Variants in ELF2 observed in about 807,000 individuals in gnomAD.
ELF2 encodes the protein E74 like ETS transcription factor 2.
Under a neutral mutation model 54.8 loss-of-function variants are expected in ELF2, and 11 were observed. The ratio of observed to expected loss-of-function variants is 0.20; its 90% CI spans 0.13 to 0.33. The LOEUF (loss-of-function observed/expected upper bound fraction) is 0.33, where lower values mean the gene tolerates loss of function less well. Ranked by LOEUF, ELF2 falls within the 10% of genes least tolerant of loss-of-function variation. The probability of loss-of-function intolerance (pLI) is 1.00; values close to 1 mark genes in which losing one functional copy is unlikely to be tolerated. For missense variants in ELF2, 513 were observed against 703.0 expected (o/e 0.73, Z 3.06); for synonymous variants, 203 against 245.1 (o/e 0.83, Z 1.61).
At chr4:139,066,435 CTG>C (rs1326151717) in intron 7 of ELF2, 1 of 151,134 alleles carries the variant, frequency 6.6e-6, no homozygotes, top group Non-Finnish European at 1.5e-5. Flanking sequence ...CAGGGGCACT[CTG>C]TTTCTACAAA....
intron 1 of ELF2, among the ~76,000 whole-genome samples, chr4:139,164,578 C>T (rs536079098): frequency 5.9e-5 from 9 of 152,186 alleles, no homozygotes; most frequent in East Asian, 5.8e-4. Flanking sequence ...TAGAGATTGC[C>T]GTGAGCCAAG....
At chr4:139,158,430 T>C (rs776013475) in intron 1 of ELF2, among the ~76,000 whole-genome samples, 2 of 152,120 alleles carry the variant, frequency 1.3e-5, no homozygotes, top group Non-Finnish European at 2.9e-5. Flanking sequence ...TGGTAAAGTG[T>C]TGGGGCAGCG....
intron 4 of ELF2, among the ~76,000 whole-genome samples, chr4:139,091,136 T>G (rs1485296174): frequency 1.3e-5 from 2 of 152,044 alleles, no homozygotes; most frequent in African/African-American, 4.8e-5. Context: ...GTTTTCACCA[T>G]GTTAGCCAGG....
intron 4 of ELF2, among the ~76,000 whole-genome samples, chr4:139,105,510 C>A (rs970326403): frequency 7.9e-5 from 12 of 152,198 alleles, no homozygotes; most frequent in Non-Finnish European, 1.6e-4. Flanking sequence ...TAAGAAACTA[C>A]AGAGTTAACT....
chr4:139,122,239 C>T (rs911143965), intron 4 of ELF2, among the ~76,000 whole-genome samples: 4 of 152,126 alleles, frequency 2.6e-5, no homozygotes, highest in African/African-American at 9.7e-5. Context: ...ATCTCAATTC[C>T]CCCAATTCAC....
intron 4 of ELF2, among the ~76,000 whole-genome samples, chr4:139,079,290 T>C (rs931232564): frequency 2.0e-5 from 3 of 152,104 alleles, no homozygotes; most frequent in African/African-American, 7.2e-5. Flanking sequence ...TTTTTGCAAA[T>C]CTTATTATAC....
intron 4 of ELF2, among the ~76,000 whole-genome samples, chr4:139,083,092 G>T (rs1397871611): frequency 6.6e-6 from 1 of 151,826 alleles, no homozygotes; most frequent in Admixed American, 6.6e-5. Context: ...TTCTAATTTG[G>T]AACACCTCAG....
At chr4:139,150,410 A>G (rs1739747800) in intron 1 of ELF2, among the ~76,000 whole-genome samples, 1 of 151,138 alleles carries the variant, frequency 6.6e-6, no homozygotes, top group Non-Finnish European at 1.5e-5. Flanking sequence ...GCACACCTGT[A>G]GTCCCGGCTG....
intron 1 of ELF2, chr4:139,155,359 A>T (rs951972250): frequency 6.6e-6 from 1 of 152,194 alleles, no homozygotes; most frequent in African/African-American, 2.4e-5. Context: ...GAGCAGGTCA[A>T]AACTCTTATG....
chr4:139,083,080 C>A (rs941362938), intron 4 of ELF2, among the ~76,000 whole-genome samples: 1 of 152,036 alleles, frequency 6.6e-6, no homozygotes, highest in African/African-American at 2.4e-5. Flanking sequence ...CAGAAATCAA[C>A]GTTCTAATTT....
intron 3 of ELF2, among the ~76,000 whole-genome samples, chr4:139,126,473 C>A (rs973843568): frequency 1.3e-5 from 2 of 151,370 alleles, no homozygotes; most frequent in Non-Finnish European, 2.9e-5. Context: ...TTTGAAAGGA[C>A]CCACCAAGTG....
At chr4:139,157,896 T>A (rs969023400) in intron 1 of ELF2, among the ~76,000 whole-genome samples, 6 of 152,234 alleles carry the variant, frequency 3.9e-5, no homozygotes, top group African/African-American at 1.4e-4. Context: ...TCGGGGCCAG[T>A]GGCGCAATGG....
intron 3 of ELF2, among the ~76,000 whole-genome samples, chr4:139,135,410 T>C (rs1467619203): frequency 6.6e-6 from 1 of 152,044 alleles, no homozygotes; most frequent in Non-Finnish European, 1.5e-5. Context: ...TCTCTCTTCC[T>C]GCAATTCTCT....
intron 4 of ELF2, among the ~76,000 whole-genome samples, chr4:139,075,414 G>A (rs978274690): frequency 2.6e-5 from 4 of 151,952 alleles, no homozygotes; most frequent in African/African-American, 7.2e-5. Flanking sequence ...ACTTTTCATG[G>A]AGCAGACATG....
chr4:139,165,158 A>G (rs1249593162), intron 1 of ELF2, among the ~76,000 whole-genome samples: 1 of 152,204 alleles, frequency 6.6e-6, no homozygotes, highest in Non-Finnish European at 1.5e-5. Flanking sequence ...TTGGTTACTT[A>G]GGAAAACTGG....
chr4:139,066,173 G>A (rs1381332800), intron 7 of ELF2: 1 of 151,792 alleles, frequency 6.6e-6, no homozygotes, highest in African/African-American at 2.4e-5. Context: ...ATATATTAAT[G>A]TAAAATTTAT....
chr4:139,071,621 G>A (rs185010427), intron 6 of ELF2, among the ~76,000 whole-genome samples: 65 of 151,968 alleles, frequency 4.3e-4, no homozygotes, highest in African/African-American at 1.4e-3. Context: ...TCTGTGTGTC[G>A]AACACCTGTT....
chr4:139,132,426 G>A (rs1203983856), intron 3 of ELF2, among the ~76,000 whole-genome samples: 1 of 151,860 alleles, frequency 6.6e-6, no homozygotes, highest in Non-Finnish European at 1.5e-5. Context: ...AACTTTACCC[G>A]TCAATCCCCA....
chr4:139,100,651 A>G (rs1733788415), intron 4 of ELF2: 1 of 152,238 alleles, frequency 6.6e-6, no homozygotes, highest in South Asian at 2.1e-4. Flanking sequence ...TAACAAGACC[A>G]TAACTCTTTA....
Sources: allele counts gnomAD v4.1 joint callset (sites outside exome capture counted in the v4.1 genomes callset), GRCh38; gene constraint gnomAD v4.1.1; transcripts MANE v1.5; gene names NCBI Gene and HGNC (gene_info 2026-07-23, HGNC 2026-07-21).